Variants in SIRPB1 observed in about 807,000 individuals in gnomAD.
SIRPB1 encodes the protein signal regulatory protein beta 1.
In SIRPB1, 28 loss-of-function variants were observed where a neutral mutation model predicts 34.1. That is an observed-to-expected ratio of 0.82 (90% CI 0.61 to 1.12). SIRPB1 has a LOEUF of 1.12. Ranked by LOEUF, SIRPB1 falls within the 50% of genes most tolerant of loss-of-function variation. SIRPB1 has a pLI of 0.00. For missense variants in SIRPB1, 499 were observed against 507.0 expected (o/e 0.98, Z 0.15); for synonymous variants, 211 against 203.8 (o/e 1.04, Z -0.30).
chr20:1,566,058 T>G (rs1270902068), intron 5 of SIRPB1, 95 bp downstream of exon 5: 2 of 749,706 alleles, frequency 2.7e-6, no homozygotes, highest in Non-Finnish European at 4.5e-6. Flanking sequence ...TAAACTCCAC[T>G]GACCCTGAAG....
Position 1,578,458 on chromosome 20 carries a change from TGGAAAAGTCCA to T in SIRPB1, c.302_312del (p.Leu101HisfsTer5), listed in dbSNP as rs779482031. The T allele has an allele frequency of 1.4e-5, 22 of 1,584,346 alleles. 2 individuals carry two copies. Among genetic ancestry groups the T allele is most frequent in the Non-Finnish European group, 1.6e-5 (19 of 1,158,124 alleles). ...GCTGGGGTGATGTTACTGATGCTGA[TGGAAAAGTCCA>T]GGTTGTTTCTCTTTGTGAGTTCTGA... On this transcript the variant is annotated frameshift_variant, in exon 2 of 6. Coordinates refer to ENST00000381605, the MANE Select transcript of SIRPB1 (RefSeq NM_006065.5). LOFTEE classifies it high-confidence loss of function.
chr20:1,567,666 C>T (rs1196339582), intron 4 of SIRPB1, among the ~76,000 whole-genome samples: 7 of 152,172 alleles, frequency 4.6e-5, no homozygotes, highest in African/African-American at 1.4e-4. Flanking sequence ...TGTTGTGTTG[C>T]GATTGATAAC....
At position 1,565,161 on chromosome 20, in the gene SIRPB1, C is replaced by T. The variant is rs1015098654; in HGVS notation, c.*339G>A. On this transcript the variant is annotated 3_prime_UTR_variant, in exon 6 of 6. Coordinates refer to ENST00000381605, the MANE Select transcript of SIRPB1 (RefSeq NM_006065.5). ...GGCAGGAATCCAGAAGACAGGATAA[C>T]TCTTGAGAGCCTGGAGAGAGTCTGT... is the stretch of plus-strand genomic sequence containing the variant. 4 of 397,760 alleles carry T rather than the reference C, an allele frequency of 1.0e-5. No individual in the cohort carries two copies. The Admixed American group carries it at 1.8e-4, about 18-fold the overall frequency. 24.6% of individuals were successfully genotyped at this position (397,760 alleles called of 1,614,324 possible).
In SIRPB1 at chr20:1,594,655, A is replaced by G. The variant is rs2091453217; in HGVS notation, c.77-15961T>C. 8.3e-5 allele frequency among the ~76,000 whole-genome samples: 4 copies of G among 48,282 alleles called. 2 individuals are homozygous for G. The highest frequency in any genetic ancestry group is 1.6e-4 in the Non-Finnish European group (4 of 25,220). The allele number at this position is 48,282 out of a possible 152,430, so 31.7% of individuals were successfully genotyped here. ...TGTGGGCTTAGGATTAAAACTTCCTAGTCTGAAATCAAGCTCTACCAGCTC... is the reference window on the plus strand; with the variant it reads ...TGTGGGCTTAGGATTAAAACTTCCTGGTCTGAAATCAAGCTCTACCAGCTC... On this transcript the variant is annotated intron_variant, in intron 1 of 5. Coordinates refer to ENST00000381605, the MANE Select transcript of SIRPB1 (RefSeq NM_006065.5).
In SIRPB1 at chr20:1,602,141, TC is replaced by T. The variant is rs2091479281; in HGVS notation, c.76+17727del. 1.6e-4 allele frequency among the ~76,000 whole-genome samples: 8 copies of T among 48,776 alleles called. 4 individuals are homozygous for T. Among genetic ancestry groups the T allele is most frequent in the African/African-American group, 1.1e-3 (8 of 7,416 alleles). 32.0% of individuals were successfully genotyped at this position (48,776 alleles called of 152,430 possible). ...TGCAAAAACCAACTGAAGCAGCTGA[TC>T]CTTTGAAAGGATCAATAAAATGGGA... On this transcript the variant is annotated intron_variant, in intron 1 of 5. Coordinates refer to ENST00000381605, the MANE Select transcript of SIRPB1 (RefSeq NM_006065.5).
At chr20:1,602,872 C>T (rs1471232243) in intron 1 of SIRPB1, among the ~76,000 whole-genome samples, 1 of 48,816 alleles carries the variant, frequency 2.0e-5, no homozygotes, top group Admixed American at 1.4e-4. Flanking sequence ...ATAAAGCCAA[C>T]GCCGTAGAGT....
In SIRPB1 at chr20:1,566,235, C is replaced by G; in HGVS notation, c.1117G>C (p.Val373Leu). The change falls in exon 5 of 6, where the codon GTA (valine) becomes CTA (leucine). Residue 373 changes from valine to leucine, a missense_variant. Transcript: ENST00000381605. ...AGCTTGGGGCCCAGGAGGAGAGCTA[C>G]GAGGAGTGGAGCAGTAGGAGCCAGC... ...AALAPTAPLL[V>L]ALLLGPKLLL... is the part of the protein sequence containing the mutation. 1.2e-6 allele frequency: 2 copies of G among 1,610,936 alleles called. 1 individual carries two copies. The highest frequency in any genetic ancestry group is 3.3e-4 in the Middle Eastern group (2 of 6,056).
Position 1,579,684 on chromosome 20 carries a change from G to C in SIRPB1, c.77-990C>G, listed in dbSNP as rs542248801. Among the ~76,000 whole-genome samples the C allele has an allele frequency of 6.1e-5, 9 of 148,678 alleles. No individual in the cohort carries two copies. The South Asian group carries it at 1.9e-3, about 31-fold the overall frequency. ...CACATTACCTAAGTTTCCTAATGCTGATGTGACAAATTACCAAAACTTAGT... is the reference window on the plus strand; with the variant it reads ...CACATTACCTAAGTTTCCTAATGCTCATGTGACAAATTACCAAAACTTAGT... On this transcript the variant is annotated intron_variant, in intron 1 of 5. Transcript: ENST00000381605.
At chr20:1,571,621 G>A (rs148454177) in intron 3 of SIRPB1, 99 bp downstream of exon 3, 9 of 1,554,918 alleles carry the variant, frequency 5.8e-6, no homozygotes, top group Admixed American at 1.8e-5. Flanking sequence ...AACACAGTTA[G>A]GAATTAGATT....
rs2091099419 is a variant in SIRPB1, at chr20:1,564,003, C to T, written c.*1497G>A. 1 of 152,238 alleles carries T rather than the reference C, an allele frequency of 6.6e-6. No homozygotes were observed. Among genetic ancestry groups the T allele is most frequent in the African/African-American group, 2.4e-5 (1 of 41,454 alleles). 9.4% of individuals were successfully genotyped at this position (152,238 alleles called of 1,614,324 possible). On this transcript the variant is annotated 3_prime_UTR_variant, in exon 6 of 6. Coordinates refer to ENST00000381605, the MANE Select transcript of SIRPB1 (RefSeq NM_006065.5). ...AAAGGCAAGCACTCTTCCAACTACT[C>T]TGGATACATTTTTACAAAGAAACAG...
Position 1,563,684 on chromosome 20 carries a change from G to A in SIRPB1, c.*1816C>T, listed in dbSNP as rs2091096780. The A allele has an allele frequency of 6.6e-6, 1 of 151,986 alleles. No individual in the cohort carries two copies. The highest frequency in any genetic ancestry group is 2.4e-5 in the African/African-American group (1 of 41,358). 9.4% of individuals were successfully genotyped at this position (151,986 alleles called of 1,614,324 possible). On this transcript the variant is annotated 3_prime_UTR_variant, in exon 6 of 6. Transcript: ENST00000381605. Reference sequence around the variant, plus strand: ...GAGGCCTCAGGAAACTTACAACCATGGTGGAAGGAGAAAAGGAAGCAGGCA... The same window carrying A: ...GAGGCCTCAGGAAACTTACAACCATAGTGGAAGGAGAAAAGGAAGCAGGCA...
rs2091086357 is a variant in SIRPB1, at chr20:1,561,969, A to G, written c.*3531T>C. 6.6e-6 allele frequency among the ~76,000 whole-genome samples: 1 copy of G among 152,016 alleles called. No homozygotes were observed. Among genetic ancestry groups the G allele is most frequent in the African/African-American group, 2.4e-5 (1 of 41,324 alleles). ...ACTGGAGATTCTTCTCTTCTTTCCCATTAATTTATTCAATCATTTATTTAT... is the reference window on the plus strand; with the variant it reads ...ACTGGAGATTCTTCTCTTCTTTCCCGTTAATTTATTCAATCATTTATTTAT... On this transcript the variant is annotated 3_prime_UTR_variant, in exon 6 of 6. Coordinates refer to ENST00000381605, the MANE Select transcript of SIRPB1 (RefSeq NM_006065.5).
In SIRPB1 at chr20:1,609,326, C is replaced by T. The variant is rs1453700022; in HGVS notation, c.76+10543G>A. On this transcript the variant is annotated intron_variant, in intron 1 of 5. Transcript: ENST00000381605. ...GGAGCTGATTTCAGTCATTACTGGG[C>T]AATGTACATTTTCATATACATACAT... is the stretch of plus-strand genomic sequence containing the variant. 4.1e-5 allele frequency among the ~76,000 whole-genome samples: 3 copies of T among 72,518 alleles called. 1 individual carries two copies. Among genetic ancestry groups the T allele is most frequent in the Non-Finnish European group, 7.8e-5 (3 of 38,634 alleles). The allele number at this position is 72,518 out of a possible 152,430, so 47.6% of individuals were successfully genotyped here.
chr20:1,566,160 C>T lies in SIRPB1; in HGVS notation c.1192G>A (p.Ala398Thr), dbSNP rs927597789. The part of the protein sequence containing the change: ...SAIYICWKQK[A>T] Reference sequence around the variant, plus strand: ...TCCCTCTCCTAAACTTACAGTCAGGCCTTCTGTTTCCAGCAGATGTAGATG... The same window carrying T: ...TCCCTCTCCTAAACTTACAGTCAGGTCTTCTGTTTCCAGCAGATGTAGATG... The change falls in exon 5 of 6, where the codon GCC becomes ACC. Residue 398 changes from alanine (A) to threonine (T), a missense_variant. Ala to Thr is a moderately conservative substitution (Grantham distance 58). Transcript: ENST00000381605. 1 of 1,602,546 alleles carries T rather than the reference C, an allele frequency of 6.2e-7. No homozygotes were observed. Among genetic ancestry groups the T allele is most frequent in the African/African-American group, 1.3e-5 (1 of 74,932 alleles).
In SIRPB1 at chr20:1,578,033, C is replaced by T; in HGVS notation, c.433+305G>A. The T allele has an allele frequency of 9.4e-6, 4 of 427,264 alleles. No homozygotes were observed. In the South Asian group the frequency reaches 9.4e-5, roughly 10 times the overall value. The allele number at this position is 427,264 out of a possible 1,614,324, so 26.5% of individuals were successfully genotyped here. On this transcript the variant is annotated intron_variant, in intron 2 of 5. Transcript: ENST00000381605. ...TCCAGCCCTGTGCCTGGACAAGTCA[C>T]TCAAATTGTGAGTTCCCTCATCTGT...
chr20:1,594,715 T>A lies in SIRPB1; in HGVS notation c.77-16021A>T, dbSNP rs1199817176. 4.1e-5 allele frequency among the ~76,000 whole-genome samples: 2 copies of A among 48,660 alleles called. 1 individual carries two copies. The highest frequency in any genetic ancestry group is 1.2e-3 in the East Asian group (2 of 1,712). 31.9% of individuals were successfully genotyped at this position (48,660 alleles called of 152,430 possible). A position where few individuals can be genotyped will look rare whatever the true frequency, so the allele number is the denominator to read the frequency against. On this transcript the variant is annotated intron_variant, in intron 1 of 5. Transcript: ENST00000381605. ...TGACCCTGGGGACACTATTAACTTC[T>A]CTGTTTCTTGAGTTTCCTCAACTGT...
intron 1 of SIRPB1, among the ~76,000 whole-genome samples, chr20:1,615,577 T>C (rs2091617798): frequency 6.6e-6 from 1 of 152,218 alleles, no homozygotes; most frequent in Non-Finnish European, 1.5e-5. Flanking sequence ...GCAATAATCC[T>C]CAACCAAACA....
intron 4 of SIRPB1, among the ~76,000 whole-genome samples, chr20:1,567,416 G>A (rs2091155273): frequency 6.6e-6 from 1 of 152,182 alleles, no homozygotes; most frequent in African/African-American, 2.4e-5. Flanking sequence ...CTGTGGCTCA[G>A]CACCTCCCTC....
intron 1 of SIRPB1, among the ~76,000 whole-genome samples, chr20:1,614,655 T>C (rs927907386): frequency 6.6e-6 from 1 of 152,024 alleles, no homozygotes; most frequent in Non-Finnish European, 1.5e-5. Flanking sequence ...CTAGGAACTG[T>C]GAGTATGCCT....
Sources: allele counts gnomAD v4.1 joint callset (sites outside exome capture counted in the v4.1 genomes callset), GRCh38; gene constraint gnomAD v4.1.1; transcripts MANE v1.5; gene names NCBI Gene and HGNC (gene_info 2026-07-23, HGNC 2026-07-21).